CRACDL: variants seen among roughly 807,000 people sequenced by gnomAD.
The protein encoded by CRACDL is CRACD like.
A neutral mutation model predicts 70.6 loss-of-function variants in CRACDL; 26 were observed. The ratio of observed to expected loss-of-function variants is 0.37; its 90% CI spans 0.27 to 0.51. The LOEUF is 0.51. CRACDL is among the 20% of genes least tolerant of loss of function. The probability of loss-of-function intolerance (pLI) is 0.94; values close to 1 mark genes in which losing one functional copy is unlikely to be tolerated. For synonymous variants in CRACDL, 618 were observed against 615.2 expected (o/e 1.00, Z -0.07); for missense variants, 1,283 against 1,376.9 (o/e 0.93, Z 1.08).
At chr2:98,804,330 A>G (rs1704201749) in intron 7 of CRACDL, among the ~76,000 whole-genome samples, 1 of 152,200 alleles carries the variant, frequency 6.6e-6, no homozygotes, top group African/African-American at 2.4e-5. Context: ...AGAGTCAATC[A>G]TCGCTGTGAG....
At chr2:98,830,612 AT>A (rs2104494206) in intron 5 of CRACDL, among the ~76,000 whole-genome samples, 1 of 152,310 alleles carries the variant, frequency 6.6e-6, no homozygotes, top group South Asian at 2.1e-4. Flanking sequence ...AAAAGCCCAA[AT>A]TTTGGTTTCC....
chr2:98,869,193 T>C (rs1707253311), intron 1 of CRACDL: 1 of 1,303,928 alleles, frequency 7.7e-7, no homozygotes, highest in Non-Finnish European at 1.0e-6. Context: ...GGGCCTCCCT[T>C]TCCTCTGAGT....
chr2:98,816,020 C>T (rs751697728), intron 7 of CRACDL, among the ~76,000 whole-genome samples: 4 of 152,202 alleles, frequency 2.6e-5, no homozygotes, highest in African/African-American at 9.6e-5. Flanking sequence ...GGCTGTCCAA[C>T]AAGCTCTGTC....
intron 1 of CRACDL, among the ~76,000 whole-genome samples, chr2:98,906,669 A>G (rs961887542): frequency 1.3e-5 from 2 of 151,252 alleles, no homozygotes; most frequent in African/African-American, 4.9e-5. Flanking sequence ...CTATTTGTGC[A>G]CTCACTATGT....
At chr2:98,928,253 TG>T (rs1295493502) in intron 1 of CRACDL, among the ~76,000 whole-genome samples, 6 of 152,112 alleles carry the variant, frequency 3.9e-5, no homozygotes, top group African/African-American at 1.4e-4. Flanking sequence ...ATTACCTCTT[TG>T]GGGTAAATAT....
intron 1 of CRACDL, among the ~76,000 whole-genome samples, chr2:98,919,145 A>G (rs186866259): frequency 8.1e-4 from 124 of 152,228 alleles, no homozygotes; most frequent in African/African-American, 2.7e-3. Context: ...ATTCTTCTCC[A>G]TATGGCAATC....
rs1705195769 is a variant in CRACDL, at chr2:98,823,750, C to T, written c.736-213G>A. ...GTTTATCAGGACAATGGCAGATATG[C>T]CTCCAAAGTAAATGTCTACAGCTCC... On this transcript the variant is annotated intron_variant, in intron 6 of 9. Transcript: ENST00000397899. The surrounding 1 kb of genome is among the most constrained non-coding windows in gnomAD (Gnocchi z 4.0). Among the ~76,000 whole-genome samples the T allele has an allele frequency of 6.6e-6, 1 of 152,174 alleles. No individual in the cohort carries two copies. The highest frequency in any genetic ancestry group is 2.1e-4 in the South Asian group (1 of 4,826).
chr2:98,810,469 G>C (rs187415565), intron 7 of CRACDL, among the ~76,000 whole-genome samples: 121 of 152,314 alleles, frequency 7.9e-4, no homozygotes, highest in Non-Finnish European at 1.4e-3. Flanking sequence ...AAGAGAGTTG[G>C]AGGGAGGAGG....
At chr2:98,807,405 T>C (rs985373872) in intron 7 of CRACDL, among the ~76,000 whole-genome samples, 1 of 152,210 alleles carries the variant, frequency 6.6e-6, no homozygotes, top group Non-Finnish European at 1.5e-5. Flanking sequence ...CTGTGCACTG[T>C]AGGATGCTCA....
chr2:98,925,414 A>T (rs1329107315), intron 1 of CRACDL, among the ~76,000 whole-genome samples: 1 of 152,200 alleles, frequency 6.6e-6, no homozygotes, highest in Non-Finnish European at 1.5e-5. Flanking sequence ...CTGGGTTCAA[A>T]TCCCTGCATA....
At chr2:98,798,698 CT>C (rs963222523) in intron 7 of CRACDL, among the ~76,000 whole-genome samples, 127 of 144,740 alleles carry the variant, frequency 8.8e-4, no homozygotes, top group Admixed American at 3.0e-3. Flanking sequence ...CTTTTCTTTT[CT>C]TTTTTTTTTT....
At chr2:98,889,304 A>AAAG (rs1337332353) in intron 1 of CRACDL, among the ~76,000 whole-genome samples, 1 of 53,162 alleles carries the variant, frequency 1.9e-5, no homozygotes, top group Non-Finnish European at 3.4e-5. Flanking sequence ...AGAAAGAAAG[A>AAAG]AAGAAAGAAA....
intron 1 of CRACDL, among the ~76,000 whole-genome samples, chr2:98,869,829 C>T (rs1426341723): frequency 6.6e-6 from 1 of 152,212 alleles, no homozygotes; most frequent in African/African-American, 2.4e-5. Flanking sequence ...ACCTCAGGTC[C>T]TTGATATGCT....
At chr2:98,906,638 G>T (rs1030013685) in intron 1 of CRACDL, among the ~76,000 whole-genome samples, 1 of 152,136 alleles carries the variant, frequency 6.6e-6, no homozygotes, top group Admixed American at 6.5e-5. Context: ...TTCTTAAATT[G>T]CCACTTCTCT....
At chr2:98,892,524 T>C (rs1708005174) in intron 1 of CRACDL, among the ~76,000 whole-genome samples, 1 of 151,938 alleles carries the variant, frequency 6.6e-6, no homozygotes, top group African/African-American at 2.4e-5. Flanking sequence ...ACCCCATCTC[T>C]ACTAAAAATA....
In CRACDL at chr2:98,928,689, C is replaced by T. The variant is rs543800148; in HGVS notation, c.-11+7249G>A. 1.3e-5 allele frequency among the ~76,000 whole-genome samples: 2 copies of T among 152,338 alleles called. 1 individual carries two copies. Among genetic ancestry groups the T allele is most frequent in the South Asian group, 4.1e-4 (2 of 4,826 alleles). On this transcript the variant is annotated intron_variant, in intron 1 of 9. Transcript: ENST00000397899. ...GCACCAGCACACCTCAACTCAAAGA[C>T]CTGTTTTGGCTCACAAAGGCTGTGA...
chr2:98,909,772 A>T (rs1708500093), intron 1 of CRACDL, among the ~76,000 whole-genome samples: 1 of 152,052 alleles, frequency 6.6e-6, no homozygotes, highest in Non-Finnish European at 1.5e-5. Context: ...GTTCCCTTAC[A>T]GGCAGGAGAA....
intron 1 of CRACDL, among the ~76,000 whole-genome samples, chr2:98,921,642 TC>T (rs1708804750): frequency 6.6e-6 from 1 of 152,184 alleles, no homozygotes; most frequent in African/African-American, 2.4e-5. Flanking sequence ...TTCCTGAAAT[TC>T]CCACATATCC....
intron 1 of CRACDL, among the ~76,000 whole-genome samples, chr2:98,857,151 A>C (rs1417829366): frequency 6.6e-6 from 1 of 152,206 alleles, no homozygotes; most frequent in Non-Finnish European, 1.5e-5. Flanking sequence ...AATGATCCTT[A>C]AACACCCTAA....
Sources: allele counts gnomAD v4.1 joint callset (sites outside exome capture counted in the v4.1 genomes callset), GRCh38; gene constraint gnomAD v4.1.1; non-coding constraint Gnocchi (gnomAD v3.1); transcripts MANE v1.5; gene names NCBI Gene and HGNC (gene_info 2026-07-23, HGNC 2026-07-21).